PDE11A: variants seen among roughly 807,000 people sequenced by gnomAD.
The protein encoded by PDE11A is dual 3',5'-cyclic-AMP and -GMP phosphodiesterase 11A.
In PDE11A, 100 loss-of-function variants were observed where a neutral mutation model predicts 100.5. The ratio of observed to expected loss-of-function variants is 1.00; its 90% CI spans 0.85 to 1.18. The LOEUF (loss-of-function observed/expected upper bound fraction) is 1.18. Among genes scored for constraint, PDE11A ranks in the 50% most tolerant of loss-of-function variants. PDE11A has a pLI of 0.00. For missense variants in PDE11A, 1,141 were observed against 1,152.6 expected (o/e 0.99, Z 0.15); for synonymous variants, 381 against 420.8 (o/e 0.91, Z 1.16).
intron 2 of PDE11A, among the ~76,000 whole-genome samples, chr2:177,968,064 T>C (rs1205044189): frequency 1.3e-5 from 2 of 152,204 alleles, no homozygotes; most frequent in African/African-American, 4.8e-5. Context: ...TTAATCACTT[T>C]CTCACACCCT....
At chr2:178,075,786 C>T (rs1559064250), upstream of PDE11A, among the ~76,000 whole-genome samples, 1 of 152,082 alleles carries the variant, frequency 6.6e-6, no homozygotes, top group South Asian at 2.1e-4. Context: ...AAGGATGATT[C>T]TTGGCCCTAT....
intron 1 of PDE11A, among the ~76,000 whole-genome samples, chr2:178,037,771 A>C (rs1430488338): frequency 6.6e-6 from 1 of 152,196 alleles, no homozygotes; most frequent in African/African-American, 2.4e-5. Flanking sequence ...TAACACATGA[A>C]CAGAAAACCA....
chr2:177,725,115 C>A (rs1437025099), intron 12 of PDE11A, among the ~76,000 whole-genome samples: 1 of 151,994 alleles, frequency 6.6e-6, no homozygotes, highest in Non-Finnish European at 1.5e-5. Flanking sequence ...GCATGAGTGC[C>A]CATTGGTGGT....
chr2:178,071,903 T>G lies in PDE11A; in HGVS notation c.535A>C (p.Arg179=). 5.6e-6 allele frequency: 9 copies of G among 1,613,972 alleles called. No homozygotes were observed. Among genetic ancestry groups the G allele is most frequent in the Non-Finnish European group, 7.6e-6 (9 of 1,179,864 alleles). The change falls in exon 1 of 20, where the codon AGA becomes CGA. Residue 179 remains arginine, a synonymous_variant. Coordinates refer to ENST00000286063, the MANE Select transcript of PDE11A (RefSeq NM_016953.4). ...AHILSALLES[R]VNLPRYPPTA... is the part of the protein sequence containing the mutation. Reference sequence around the variant, plus strand: ...GGGGGATACCGAGGCAGATTCACTCTCGATTCCAGCAGCGCACTGAGAATA... The same window carrying G: ...GGGGGATACCGAGGCAGATTCACTCGCGATTCCAGCAGCGCACTGAGAATA...
chr2:177,913,320 C>G (rs2084908569), intron 2 of PDE11A, among the ~76,000 whole-genome samples: 1 of 152,110 alleles, frequency 6.6e-6, no homozygotes, highest in Non-Finnish European at 1.5e-5. Flanking sequence ...TTGGAACTTA[C>G]TTTATTCAAC....
At chr2:177,932,287 T>A (rs1025150829) in intron 2 of PDE11A, among the ~76,000 whole-genome samples, 2 of 152,140 alleles carry the variant, frequency 1.3e-5, no homozygotes, top group Non-Finnish European at 2.9e-5. Context: ...AGAGGAGGGA[T>A]TCTTCCCTAA....
At chr2:178,001,311 T>TGTGTGTGTGTGTGTGTGTGTGTGG (rs59287027) in intron 2 of PDE11A, among the ~76,000 whole-genome samples, 1 of 148,018 alleles carries the variant, frequency 6.8e-6, no homozygotes, top group African/African-American at 2.5e-5. Context: ...TGTGTGTGTG[T>TGTGTGTGTGTGTGTGTGTGTGTGG]AGTAGGTTTA....
chr2:177,980,743 G>A lies in PDE11A; in HGVS notation c.1071+33559C>T, dbSNP rs139148633. Among the ~76,000 whole-genome samples the A allele has an allele frequency of 1.3e-4, 19 of 150,708 alleles. 3 individuals are homozygous for A. The East Asian group carries it at 2.5e-3, about 20-fold the overall frequency. On this transcript the variant is annotated intron_variant, in intron 2 of 19. Transcript: ENST00000286063. ...AAAAAGCAGAAATAATTTGAGAGGC[G>A]TGGGCGAAAAGGCCAATAAGGCTAT...
intron 3 of PDE11A, among the ~76,000 whole-genome samples, chr2:177,903,675 G>T (rs775813851): frequency 6.6e-6 from 1 of 152,162 alleles, no homozygotes; most frequent in South Asian, 2.1e-4. Context: ...AGTGGCAGTA[G>T]ATACAAGGCA....
intron 5 of PDE11A, among the ~76,000 whole-genome samples, chr2:177,864,870 A>C (rs924063414): frequency 6.6e-6 from 1 of 152,190 alleles, no homozygotes; most frequent in African/African-American, 2.4e-5. Context: ...TACTACTTAA[A>C]AGTAATCATA....
At chr2:177,630,651 C>A (rs936317695) in intron 19 of PDE11A, among the ~76,000 whole-genome samples, 3 of 152,192 alleles carry the variant, frequency 2.0e-5, no homozygotes, top group Non-Finnish European at 4.4e-5. Context: ...TATTTTCTTT[C>A]TTTTAAATGC....
intron 3 of PDE11A, among the ~76,000 whole-genome samples, chr2:177,900,888 A>G (rs756827864): frequency 6.6e-6 from 1 of 152,212 alleles, no homozygotes; most frequent in Non-Finnish European, 1.5e-5. Context: ...CCACCATTGC[A>G]AAATTATAAC....
chr2:177,756,910 C>A (rs1390131902), intron 10 of PDE11A, among the ~76,000 whole-genome samples: 1 of 152,138 alleles, frequency 6.6e-6, no homozygotes, highest in Non-Finnish European at 1.5e-5. Flanking sequence ...AAACCTGAAC[C>A]CATCTATCGA....
chr2:177,644,976 A>G lies in PDE11A; in HGVS notation c.2647-15414T>C, dbSNP rs149093010. 3.5e-4 allele frequency among the ~76,000 whole-genome samples: 53 copies of G among 152,344 alleles called. 1 individual carries two copies. In the East Asian group the frequency reaches 9.1e-3, roughly 26 times the overall value. On this transcript the variant is annotated intron_variant, in intron 19 of 19. Transcript: ENST00000286063. ...CCATGATTGTGAGGCTTCCCCAGCA[A>G]CGTGGAACTGTAAGTCCATTAAACC...
rs1447257560 is a variant in PDE11A, at chr2:177,627,141, C to T, written c.*2266G>A. On this transcript the variant is annotated 3_prime_UTR_variant, in exon 20 of 20. Transcript: ENST00000286063. ...CTCCGCCTCGCGGGTTCCCGCCATTCTCTTGCCTCAGCCTCCCCAGTAGCT... is the reference window on the plus strand; with the variant it reads ...CTCCGCCTCGCGGGTTCCCGCCATTTTCTTGCCTCAGCCTCCCCAGTAGCT... 1 of 147,584 alleles carries T rather than the reference C, an allele frequency of 6.8e-6. No individual in the cohort carries two copies. Among genetic ancestry groups the T allele is most frequent in the Non-Finnish European group, 1.5e-5 (1 of 67,494 alleles). 9.1% of individuals were successfully genotyped at this position (147,584 alleles called of 1,614,324 possible).
intron 19 of PDE11A, among the ~76,000 whole-genome samples, chr2:177,660,841 AAACTG>A (rs2105474888): frequency 6.6e-6 from 1 of 152,362 alleles, no homozygotes; most frequent in African/African-American, 2.4e-5. Flanking sequence ...CCATGAAGTA[AAACTG>A]AACTACCCAG....
chr2:178,071,013 A>G (rs141077884), intron 1 of PDE11A, among the ~76,000 whole-genome samples: 137 of 152,226 alleles, frequency 9.0e-4, no homozygotes, highest in African/African-American at 3.1e-3. Context: ...CACTTGTGCA[A>G]CTCTAATCTA....
At chr2:178,033,602 A>G (rs1344827208) in intron 1 of PDE11A, among the ~76,000 whole-genome samples, 2 of 152,184 alleles carry the variant, frequency 1.3e-5, no homozygotes, top group African/African-American at 4.8e-5. Context: ...TAATCATCAG[A>G]TTCTCCAAGG....
rs1238376063 is a variant in PDE11A at position 177,701,265 on chromosome 2, C to T, written c.2154-54G>A. ...GGGCCTATCGATGGTTCCCCCACAC[C>T]AGCTTTTTGGATCAAACTGCTTTTC... On this transcript the variant is annotated intron_variant, in intron 13 of 19. Coordinates refer to ENST00000286063, the MANE Select transcript of PDE11A (RefSeq NM_016953.4). 1.7e-5 allele frequency: 15 copies of T among 878,834 alleles called. 2 individuals carry two copies. The highest frequency in any genetic ancestry group is 1.2e-4 in the South Asian group (9 of 75,052). The allele number at this position is 878,834 out of a possible 1,614,324, so 54.4% of individuals were successfully genotyped here.
Sources: allele counts gnomAD v4.1 joint callset (sites outside exome capture counted in the v4.1 genomes callset), GRCh38; gene constraint gnomAD v4.1.1; transcripts MANE v1.5; gene names NCBI Gene and HGNC (gene_info 2026-07-23, HGNC 2026-07-21).